PCDHA13: variants seen among roughly 807,000 people sequenced by gnomAD.
PCDHA13 encodes the protein protocadherin alpha 13, also known as protocadherin alpha-13.
Under a neutral mutation model 64.8 loss-of-function variants are expected in PCDHA13, and 54 were observed. That is an observed-to-expected ratio of 0.83 (90% CI 0.67 to 1.04). The LOEUF (loss-of-function observed/expected upper bound fraction) is 1.04, where lower values mean the gene tolerates loss of function less well. Ranked by LOEUF, PCDHA13 falls within the 50% of genes least tolerant of loss-of-function variation. The pLI is 0.00. For synonymous variants in PCDHA13, 587 were observed against 564.4 expected (o/e 1.04, Z -0.57); for missense variants, 1,248 against 1,254.3 (o/e 0.99, Z 0.08).
At chr5:141,000,421 A>ATATTT (rs1265241806) in intron 3 of PCDHA13, among the ~76,000 whole-genome samples, 4 of 27,980 alleles carry the variant, frequency 1.4e-4, no homozygotes, top group Non-Finnish European at 1.1e-4. Context: ...ATATATATAT[A>ATATTT]TTTTTTTTTT....
At chr5:140,970,758 A>T (rs1217450283) in intron 1 of PCDHA13, among the ~76,000 whole-genome samples, 2 of 152,232 alleles carry the variant, frequency 1.3e-5, no homozygotes, top group East Asian at 3.8e-4. Flanking sequence ...ATTTTCATTG[A>T]CATATTGCTG....
chr5:140,936,272 C>T lies in PCDHA13; in HGVS notation c.2395-42677C>T, dbSNP rs1303356923. 2.0e-5 allele frequency among the ~76,000 whole-genome samples: 3 copies of T among 152,254 alleles called. No individual in the cohort carries two copies. In the East Asian group the frequency reaches 5.8e-4, roughly 29 times the overall value. On this transcript the variant is annotated intron_variant, in intron 1 of 3. Transcript: ENST00000289272. Reference sequence around the variant, plus strand: ...TGCTTCAAGTCATGAAGATATATTCCTGTGTTTTCTTCTATAACATTGCTA... The same window carrying T: ...TGCTTCAAGTCATGAAGATATATTCTTGTGTTTTCTTCTATAACATTGCTA...
chr5:140,897,695 C>T (rs1417139429), intron 1 of PCDHA13, among the ~76,000 whole-genome samples: 12 of 152,090 alleles, frequency 7.9e-5, no homozygotes, highest in South Asian at 4.2e-4. Flanking sequence ...GTCCTTTGGG[C>T]ATATACCCAG....
At chr5:140,970,909 A>G (rs1356718314) in intron 1 of PCDHA13, among the ~76,000 whole-genome samples, 1 of 152,180 alleles carries the variant, frequency 6.6e-6, no homozygotes, top group African/African-American at 2.4e-5. Context: ...AGATTTATTC[A>G]TTTATCAGAA....
intron 1 of PCDHA13, among the ~76,000 whole-genome samples, chr5:140,896,328 A>G (rs1157543991): frequency 6.6e-6 from 1 of 152,138 alleles, no homozygotes; most frequent in Non-Finnish European, 1.5e-5. Flanking sequence ...CACAGTGGCT[A>G]AACTAATTTA....
At chr5:140,927,764 G>T (rs2084612834) in intron 1 of PCDHA13, 1 of 1,614,092 alleles carries the variant, frequency 6.2e-7, no homozygotes. Flanking sequence ...CCTAAAAGTG[G>T]GGAGGTGCAA....
chr5:140,932,063 T>C (rs1020375496), intron 1 of PCDHA13, among the ~76,000 whole-genome samples: 8 of 151,942 alleles, frequency 5.3e-5, no homozygotes, highest in African/African-American at 1.4e-4. Context: ...CTAAAAATTA[T>C]CAGTTTAAGA....
rs782457236 is a variant in PCDHA13 at position 140,883,560 on chromosome 5, G to A, written c.1292G>A (p.Gly431Asp). 2 of 1,614,184 alleles carry A rather than the reference G, an allele frequency of 1.2e-6. No homozygotes were observed. Among genetic ancestry groups the A allele is most frequent in the Admixed American group, 1.7e-5 (1 of 60,028 alleles). ...CTGGTGGTGACCGCGCGGGACGGGGGCTCGCCTTCGCTGTGGGCCACGGCC... is the reference window on the plus strand; with the variant it reads ...CTGGTGGTGACCGCGCGGGACGGGGACTCGCCTTCGCTGTGGGCCACGGCC... ...YELVVTARDG[G>D]SPSLWATASV... The change falls in exon 1 of 4, where the codon GGC (glycine) becomes GAC (aspartate). Residue 431 changes from glycine to aspartate, a missense_variant. Coordinates refer to ENST00000289272, the MANE Select transcript of PCDHA13 (RefSeq NM_018904.3).
At position 140,969,285 on chromosome 5, in the gene PCDHA13, C is replaced by T. The variant is rs782734189; in HGVS notation, c.2395-9664C>T. The stretch of plus-strand genomic sequence containing the variant: ...CTCACAGGCCAAAGTGGTCAGAATG[C>T]TGGGAACCTGATTATTCTCAAAAAT... On this transcript the variant is annotated intron_variant, in intron 1 of 3. Coordinates refer to ENST00000289272, the MANE Select transcript of PCDHA13 (RefSeq NM_018904.3). 51 of 1,614,062 alleles carry T rather than the reference C, an allele frequency of 3.2e-5. No individual in the cohort carries two copies. The highest frequency in any genetic ancestry group is 4.3e-5 in the Non-Finnish European group (51 of 1,180,038).
At chr5:140,899,423 G>A (rs2067323431) in intron 1 of PCDHA13, among the ~76,000 whole-genome samples, 1 of 152,134 alleles carries the variant, frequency 6.6e-6, no homozygotes. Context: ...TTTGTCAAAG[G>A]TCTTTTCTGC....
At chr5:140,892,721 T>A (rs1554185338) in intron 1 of PCDHA13, among the ~76,000 whole-genome samples, 1 of 152,226 alleles carries the variant, frequency 6.6e-6, no homozygotes, top group Admixed American at 6.5e-5. Flanking sequence ...ATTCATAATC[T>A]CAAACATTTA....
chr5:140,922,176 CAA>C lies in PCDHA13; in HGVS notation c.2394+37522_2394+37523del, dbSNP rs3836750. ...CAAAAACAACAAAAAGTACAGCAGACAAAAAAAAAGTCTTATCTTTAATGAAA... is the reference window on the plus strand; with the variant it reads ...CAAAAACAACAAAAAGTACAGCAGACAAAAAAAGTCTTATCTTTAATGAAA... On this transcript the variant is annotated intron_variant, in intron 1 of 3. Coordinates refer to ENST00000289272, the MANE Select transcript of PCDHA13 (RefSeq NM_018904.3). 2.6e-3 allele frequency among the ~76,000 whole-genome samples: 394 copies of C among 150,816 alleles called. 1 individual carries two copies. The highest frequency in any genetic ancestry group is 9.1e-3 in the African/African-American group (376 of 41,132).
intron 1 of PCDHA13, among the ~76,000 whole-genome samples, chr5:140,925,576 A>G (rs1157907719): frequency 2.0e-5 from 3 of 151,872 alleles, no homozygotes; most frequent in African/African-American, 7.3e-5. Flanking sequence ...CAGCACACCA[A>G]CATGGCGCAT....
At chr5:140,990,097 T>C (rs2097373826) in intron 3 of PCDHA13, among the ~76,000 whole-genome samples, 1 of 151,922 alleles carries the variant, frequency 6.6e-6, no homozygotes, top group African/African-American at 2.4e-5. Flanking sequence ...GTGCTACTAT[T>C]GAAACAGGAA....
At chr5:140,903,597 T>C (rs1182384058) in intron 1 of PCDHA13, among the ~76,000 whole-genome samples, 1 of 152,218 alleles carries the variant, frequency 6.6e-6, no homozygotes, top group African/African-American at 2.4e-5. Flanking sequence ...GCCTGATAAA[T>C]GCTTAATACA....
At chr5:141,009,462 A>G (rs1279658091) in intron 3 of PCDHA13, 165 bp from the exon 4 acceptor site, 2 of 954,512 alleles carry the variant, frequency 2.1e-6, no homozygotes, top group Non-Finnish European at 2.5e-6. Flanking sequence ...TAAACAAATA[A>G]ATAAATAAGT....
intron 1 of PCDHA13, among the ~76,000 whole-genome samples, chr5:140,954,107 C>G (rs1375819333): frequency 2.0e-5 from 3 of 152,182 alleles, no homozygotes; most frequent in Admixed American, 1.3e-4. Flanking sequence ...CTGCAAAGGA[C>G]AAGATCTTGT....
intron 3 of PCDHA13, among the ~76,000 whole-genome samples, chr5:140,999,980 C>A (rs1386394350): frequency 6.6e-6 from 1 of 152,076 alleles, no homozygotes; most frequent in Non-Finnish European, 1.5e-5. Context: ...GCTCTAGCGG[C>A]CTCTGGGTAG....
chr5:140,887,670 C>T (rs368430565), intron 1 of PCDHA13, among the ~76,000 whole-genome samples: 1 of 151,988 alleles, frequency 6.6e-6, no homozygotes, highest in Non-Finnish European at 1.5e-5. Context: ...GTGGATTTAT[C>T]ATTTTCATCA....
Sources: allele counts gnomAD v4.1 joint callset (sites outside exome capture counted in the v4.1 genomes callset), GRCh38; gene constraint gnomAD v4.1.1; transcripts MANE v1.5; gene names NCBI Gene and HGNC (gene_info 2026-07-23, HGNC 2026-07-21).